Variants in ASTN2 observed in about 807,000 individuals in gnomAD.
ASTN2 encodes astrotactin-2.
ASTN2 carries 54 observed loss-of-function variants against 139.8 expected under a neutral mutation model. The ratio of observed to expected loss-of-function variants is 0.39; its 90% confidence interval spans 0.31 to 0.48. The LOEUF (loss-of-function observed/expected upper bound fraction) is 0.48. Ranked by LOEUF, ASTN2 falls within the 20% of genes least tolerant of loss-of-function variation. The pLI is 0.95. For missense variants in ASTN2, 1,565 were observed against 1,725.1 expected (o/e 0.91, Z 1.64); for synonymous variants, 756 against 719.5 (o/e 1.05, Z -0.81).
chr9:116,958,325 T>G lies in ASTN2; in HGVS notation c.1889+16883A>C, dbSNP rs1835776707. Among the ~76,000 whole-genome samples the G allele has an allele frequency of 2.0e-5, 3 of 152,044 alleles. No homozygotes were observed. The South Asian group carries it at 6.2e-4, about 32-fold the overall frequency. The stretch of plus-strand genomic sequence containing the variant: ...GCCAACACTGGCCGGGCGTGGTGGC[T>G]CACGCCTGTAATCTCAGCACTTTGA... On this transcript the variant is annotated intron_variant, in intron 10 of 22. Coordinates refer to ENST00000313400, the MANE Select transcript of ASTN2 (RefSeq NM_001365068.1).
At chr9:117,046,405 A>AAAAAGGGTAGTTTT (rs1838743602) in intron 5 of ASTN2, among the ~76,000 whole-genome samples, 1 of 152,124 alleles carries the variant, frequency 6.6e-6, no homozygotes, top group South Asian at 2.1e-4. Context: ...AGTTTTCCTA[A>AAAAAGGGTAGTTTT]TCTAAAAAAG....
At chr9:117,263,375 A>G (rs1037469816) in intron 2 of ASTN2, among the ~76,000 whole-genome samples, 1 of 152,100 alleles carries the variant, frequency 6.6e-6, no homozygotes, top group African/African-American at 2.4e-5. Flanking sequence ...TAAAGGCCTT[A>G]TTTGTCCTTT....
chr9:116,976,860 T>A, intron 7 of ASTN2, 75 bp from the exon 8 acceptor site: 4 of 1,373,280 alleles, frequency 2.9e-6, no homozygotes, highest in Non-Finnish European at 4.1e-6. Context: ...TTGCTTGTTT[T>A]CCTAAGACAT....
At chr9:116,462,486 T>C (rs1021869427) in intron 20 of ASTN2, among the ~76,000 whole-genome samples, 25 of 152,184 alleles carry the variant, frequency 1.6e-4, no homozygotes, top group Non-Finnish European at 3.2e-4. Flanking sequence ...TGTATTCTTC[T>C]TGAAAAGTAC....
At chr9:117,104,530 G>T (rs979876953) in intron 4 of ASTN2, among the ~76,000 whole-genome samples, 37 of 152,260 alleles carry the variant, frequency 2.4e-4, no homozygotes, top group African/African-American at 8.9e-4. Flanking sequence ...ATGATCTACG[G>T]TTATGAACAA....
intron 5 of ASTN2, among the ~76,000 whole-genome samples, chr9:117,090,808 A>G (rs1414468806): frequency 6.6e-6 from 1 of 152,234 alleles, no homozygotes; most frequent in Admixed American, 6.5e-5. Context: ...ATCTAATGCC[A>G]GTCCTATTTC....
chr9:117,134,458 G>T (rs1000726745), intron 4 of ASTN2, among the ~76,000 whole-genome samples: 11 of 151,774 alleles, frequency 7.2e-5, no homozygotes, highest in Non-Finnish European at 1.5e-4. Context: ...GATGCTGCTG[G>T]GAAATGTGTG....
At chr9:116,988,573 C>A (rs1454588994) in intron 7 of ASTN2, among the ~76,000 whole-genome samples, 2 of 152,130 alleles carry the variant, frequency 1.3e-5, no homozygotes, top group African/African-American at 4.8e-5. Context: ...CAGGAGGAAA[C>A]TGAAGCCGCA....
intron 19 of ASTN2, chr9:116,557,512 AAAT>A (rs1852692414): frequency 6.6e-6 from 1 of 152,200 alleles, no homozygotes; most frequent in Non-Finnish European, 1.5e-5. Context: ...AGAAGCCTAT[AAAT>A]AATATTTCCC....
In ASTN2 at chr9:116,699,401, C is replaced by T. The variant is rs150318692; in HGVS notation, c.2806+26370G>A. The T allele has an allele frequency of 2.5e-6, 4 of 1,614,168 alleles. No homozygotes were observed. The highest frequency in any genetic ancestry group is 1.1e-5 in the South Asian group (1 of 91,072). ...ACCTGGAGGGTGGCTTTTCCATTGG[C>T]TCTGTAGGCCCTGATGGGCAGCTGG... On this transcript the variant is annotated intron_variant, in intron 16 of 22. Transcript: ENST00000313400. This position sits in a 1 kb window ranked among gnomAD's most constrained non-coding sequence, Gnocchi z 4.2.
intron 2 of ASTN2, among the ~76,000 whole-genome samples, chr9:117,280,697 T>C (rs975457164): frequency 1.3e-5 from 2 of 152,152 alleles, no homozygotes; most frequent in African/African-American, 4.8e-5. Flanking sequence ...AGAATAAATT[T>C]CTGTTGTCTT....
At chr9:117,075,096 CAGA>C (rs1310137895) in intron 5 of ASTN2, among the ~76,000 whole-genome samples, 1 of 152,198 alleles carries the variant, frequency 6.6e-6, no homozygotes, top group Non-Finnish European at 1.5e-5. Context: ...CAAATGTTTT[CAGA>C]AGATGACTCT....
intron 12 of ASTN2, among the ~76,000 whole-genome samples, chr9:116,815,852 C>G (rs1345043724): frequency 7.5e-6 from 1 of 133,984 alleles, no homozygotes; most frequent in Non-Finnish European, 1.6e-5. Flanking sequence ...CTCACTATCT[C>G]TTACATAGGA....
At chr9:117,142,645 A>G (rs1202220532) in intron 3 of ASTN2, among the ~76,000 whole-genome samples, 1 of 152,198 alleles carries the variant, frequency 6.6e-6, no homozygotes, top group Non-Finnish European at 1.5e-5. Flanking sequence ...AGTTCAGTAC[A>G]TGGAGAAAGT....
intron 11 of ASTN2, among the ~76,000 whole-genome samples, chr9:116,823,304 C>G (rs998508054): frequency 1.3e-5 from 2 of 152,182 alleles, no homozygotes; most frequent in African/African-American, 4.8e-5. Context: ...TCTCAGGCTT[C>G]CCAACTTTGT....
intron 22 of ASTN2, among the ~76,000 whole-genome samples, chr9:116,439,509 T>C (rs1052126393): frequency 6.6e-6 from 1 of 152,158 alleles, no homozygotes; most frequent in African/African-American, 2.4e-5. Context: ...CTCAAATACA[T>C]TTTTAATAAG....
intron 4 of ASTN2, among the ~76,000 whole-genome samples, chr9:117,134,283 TATATATATATATAC>T (rs1256129245): frequency 6.5e-5 from 5 of 76,408 alleles, no homozygotes; most frequent in African/African-American, 2.3e-4. Context: ...TATATATATA[TATATATATATATAC>T]ACACACACAC....
intron 13 of ASTN2, among the ~76,000 whole-genome samples, chr9:116,750,693 C>T (rs973400680): frequency 1.3e-5 from 2 of 152,184 alleles, no homozygotes; most frequent in East Asian, 1.9e-4. Flanking sequence ...GACCATCTTG[C>T]ATATTCCTTC....
chr9:117,150,286 T>A (rs941118792), intron 3 of ASTN2, among the ~76,000 whole-genome samples: 2 of 152,170 alleles, frequency 1.3e-5, no homozygotes, highest in Non-Finnish European at 2.9e-5. Context: ...ATAAATACAA[T>A]TGCATTCTTC....
Sources: allele counts gnomAD v4.1 joint callset (sites outside exome capture counted in the v4.1 genomes callset), GRCh38; gene constraint gnomAD v4.1.1; non-coding constraint Gnocchi (gnomAD v3.1); transcripts MANE v1.5; gene names NCBI Gene and HGNC (gene_info 2026-07-23, HGNC 2026-07-21).